The following ROBO2 variants were observed in gnomAD, a reference collection of about 807,000 sequenced individuals.
The protein encoded by ROBO2 is roundabout guidance receptor 2.
Under a neutral mutation model 160.8 loss-of-function variants are expected in ROBO2, and 53 were observed. The ratio of observed to expected loss-of-function variants is 0.33; its 90% CI spans 0.26 to 0.41. ROBO2 has a LOEUF of 0.41. ROBO2 is among the 10% of genes least tolerant of loss of function. ROBO2 has a pLI of 1.00. For missense variants in ROBO2, 1,577 were observed against 1,722.4 expected (o/e 0.92, Z 1.49); for synonymous variants, 664 against 611.7 (o/e 1.09, Z -1.26).
rs1559705683 is a variant in ROBO2 at position 76,272,832 on chromosome 3, T to TATATATTTATATATAAAATATATAAA, written c.109+335236_109+335237insTTATATATAAAATATATAAAATATAT. 2.9e-4 allele frequency among the ~76,000 whole-genome samples: 11 copies of TATATATTTATATATAAAATATATAAA among 38,284 alleles called. 1 individual carries two copies. The highest frequency in any genetic ancestry group is 1.2e-3 in the East Asian group (2 of 1,618). The allele number at this position is 38,284 out of a possible 152,430, so 25.1% of individuals were successfully genotyped here. On this transcript the variant is annotated intron_variant, in intron 2 of 26. Transcript: ENST00000487694. ...ATATAATATGTATTTATATATAAAA[T>TATATATTTATATATAAAATATATAAA]ATATATATTATATATTATATATAAA...
chr3:76,695,306 A>G (rs1438467247), intron 2 of ROBO2, among the ~76,000 whole-genome samples: 1 of 152,002 alleles, frequency 6.6e-6, no homozygotes, highest in Non-Finnish European at 1.5e-5. Flanking sequence ...TCAGTGATGT[A>G]TTTTTCTATG....
At chr3:76,464,930 A>G (rs973088366) in intron 2 of ROBO2, among the ~76,000 whole-genome samples, 2 of 151,998 alleles carry the variant, frequency 1.3e-5, no homozygotes, top group Non-Finnish European at 2.9e-5. Flanking sequence ...CTTCCTTACA[A>G]TCTTTATGAG....
intron 2 of ROBO2, among the ~76,000 whole-genome samples, chr3:76,786,929 A>G (rs2063018389): frequency 6.6e-6 from 1 of 151,434 alleles, no homozygotes; most frequent in South Asian, 2.1e-4. Context: ...TTCACAGGCT[A>G]CACAGGATGC....
chr3:77,195,219 C>A (rs1291083590), intron 2 of ROBO2, among the ~76,000 whole-genome samples: 4 of 152,078 alleles, frequency 2.6e-5, no homozygotes, highest in Non-Finnish European at 5.9e-5. Flanking sequence ...TTTGTCATTG[C>A]ATCTTTTTAT....
chr3:76,676,278 GT>G (rs1424937807), intron 2 of ROBO2, among the ~76,000 whole-genome samples: 1 of 151,712 alleles, frequency 6.6e-6, no homozygotes, highest in Non-Finnish European at 1.5e-5. Context: ...AGATCTGATG[GT>G]TTTGTAAAGG....
intron 2 of ROBO2, among the ~76,000 whole-genome samples, chr3:76,960,416 T>A (rs995635691): frequency 6.6e-6 from 1 of 151,644 alleles, no homozygotes; most frequent in Non-Finnish European, 1.5e-5. Context: ...TTTTTTTCCT[T>A]CTCTTTAAAA....
At chr3:75,949,666 T>G (rs1948461580) in intron 2 of ROBO2, among the ~76,000 whole-genome samples, 2 of 152,128 alleles carry the variant, frequency 1.3e-5, no homozygotes, top group Non-Finnish European at 2.9e-5. Flanking sequence ...AAGTAGATTT[T>G]GTCATCCAAC....
At chr3:77,048,179 AG>A (rs2064878840) in intron 1 of ROBO2, among the ~76,000 whole-genome samples, 1 of 152,228 alleles carries the variant, frequency 6.6e-6, no homozygotes, top group African/African-American at 2.4e-5. Flanking sequence ...GAAAATAACT[AG>A]AAGAGGACTT....
intron 2 of ROBO2, among the ~76,000 whole-genome samples, chr3:76,014,767 A>G (rs2066355866): frequency 6.6e-6 from 1 of 152,154 alleles, no homozygotes; most frequent in African/African-American, 2.4e-5. Flanking sequence ...TTTCTACAAA[A>G]TATTTTAAAA....
intron 2 of ROBO2, among the ~76,000 whole-genome samples, chr3:76,651,227 T>C (rs1483084115): frequency 1.3e-5 from 2 of 152,262 alleles, no homozygotes; most frequent in African/African-American, 4.8e-5. Flanking sequence ...GGGAGAATTC[T>C]TCCTCATCGC....
intron 2 of ROBO2, among the ~76,000 whole-genome samples, chr3:76,043,278 G>A (rs928957973): frequency 6.6e-6 from 1 of 151,562 alleles, no homozygotes; most frequent in African/African-American, 2.4e-5. Flanking sequence ...CACATACTGT[G>A]CCCTGGAATA....
rs545296933 is a variant in ROBO2 at position 76,978,831 on chromosome 3, T to C, written c.110-119183T>C. Among the ~76,000 whole-genome samples the C allele has an allele frequency of 3.7e-4, 56 of 152,094 alleles. 1 individual carries two copies. Among genetic ancestry groups the C allele is most frequent in the African/African-American group, 1.3e-3 (53 of 41,496 alleles). The stretch of plus-strand genomic sequence containing the variant: ...TTCCCAAGCAAAGACAGAGAAGATA[T>C]TTCAGACTTATGAGGGCTCTGTTCA... On this transcript the variant is annotated intron_variant, in intron 2 of 26. Transcript: ENST00000487694.
intron 2 of ROBO2, among the ~76,000 whole-genome samples, chr3:77,189,035 T>C (rs545750439): frequency 5.9e-5 from 9 of 151,482 alleles, no homozygotes; most frequent in Non-Finnish European, 1.2e-4. Context: ...TACAGAACTT[T>C]TTCTTATATA....
In ROBO2 at chr3:77,126,946, G is replaced by A. The variant is rs376589592; in HGVS notation, c.388+28606G>A. Among the ~76,000 whole-genome samples, 11 of 151,458 alleles carry A rather than the reference G, an allele frequency of 7.3e-5. No homozygotes were observed. The South Asian group carries it at 1.7e-3, about 23-fold the overall frequency. On this transcript the variant is annotated intron_variant, in intron 2 of 25. Coordinates refer to ENST00000461745, the Ensembl canonical transcript of ROBO2. ...TGGGACTGCAGGTGCCCGCCACCAC[G>A]CCCGGCTAATTTTTTTGTATTTTTA...
At chr3:76,938,620 G>A (rs1394839366) in intron 2 of ROBO2, among the ~76,000 whole-genome samples, 1 of 152,076 alleles carries the variant, frequency 6.6e-6, no homozygotes, top group Non-Finnish European at 1.5e-5. Flanking sequence ...GCTCCTCTGG[G>A]TCTTGTTCAG....
At position 77,019,453 on chromosome 3, in the gene ROBO2, G is replaced by A. The variant is rs1455961666; in HGVS notation, c.110-78561G>A. ...TTAGGATTTCAACATATGAATTTGG[G>A]GGAGACACAAACATGCAAACCATAG... On this transcript the variant is annotated intron_variant, in intron 2 of 26. Coordinates refer to the ROBO2 transcript ENST00000487694. 2.6e-5 allele frequency among the ~76,000 whole-genome samples: 4 copies of A among 152,110 alleles called. No homozygotes were observed. The East Asian group carries it at 5.8e-4, about 22-fold the overall frequency.
intron 2 of ROBO2, among the ~76,000 whole-genome samples, chr3:76,581,413 C>T (rs1047515406): frequency 6.6e-6 from 1 of 151,862 alleles, no homozygotes; most frequent in Non-Finnish European, 1.5e-5. Context: ...ACGGAAGCAG[C>T]CTGAATGAAG....
intron 2 of ROBO2, among the ~76,000 whole-genome samples, chr3:76,060,814 A>G (rs2107884174): frequency 6.6e-6 from 1 of 152,284 alleles, no homozygotes; most frequent in South Asian, 2.1e-4. Context: ...TAACTTGGAA[A>G]ACTGATTTGT....
At chr3:77,121,055 C>T (rs2074713710) in intron 2 of ROBO2, among the ~76,000 whole-genome samples, 1 of 152,012 alleles carries the variant, frequency 6.6e-6, no homozygotes, top group South Asian at 2.1e-4. Flanking sequence ...AGCGATTCTC[C>T]TGCCTCAGCC....
Sources: gnomAD v4.1 joint callset for allele counts (sites outside exome capture counted in the v4.1 genomes callset) on GRCh38, gnomAD v4.1.1 for gene constraint, MANE v1.5 for transcripts, NCBI Gene and HGNC (gene_info 2026-07-23, HGNC 2026-07-21) for gene names.